ATG2B: variants seen among roughly 807,000 people sequenced by gnomAD.
ATG2B encodes autophagy related 2B.
Under a neutral mutation model 241.3 loss-of-function variants are expected in ATG2B, and 121 were observed. That is an observed-to-expected ratio of 0.50 (90% CI 0.43 to 0.58). The LOEUF is 0.58. Among genes scored for constraint, ATG2B ranks in the 20% least tolerant of loss-of-function variants. The pLI, the probability that ATG2B is intolerant of heterozygous loss-of-function variation, is 0.00. For missense variants in ATG2B, 2,306 were observed against 2,491.6 expected (o/e 0.93, Z 1.59); for synonymous variants, 858 against 876.6 (o/e 0.98, Z 0.37).
intron 15 of ATG2B, among the ~76,000 whole-genome samples, chr14:96,324,624 C>T (rs988466391): frequency 2.0e-5 from 3 of 152,160 alleles, no homozygotes; most frequent in Non-Finnish European, 4.4e-5. Context: ...GATCATGCCA[C>T]TGCACTCCAG....
intron 1 of ATG2B, among the ~76,000 whole-genome samples, chr14:96,359,335 G>A (rs796676277): frequency 5.3e-5 from 8 of 151,566 alleles, no homozygotes; most frequent in African/African-American, 1.9e-4. Context: ...CCTAGATCAC[G>A]CCACTGCACT....
Position 96,290,043 on chromosome 14 carries a change from G to C in ATG2B, c.5857-238C>G. On this transcript the variant is annotated intron_variant, in intron 40 of 41. Coordinates refer to ENST00000359933, the MANE Select transcript of ATG2B (RefSeq NM_018036.7). The surrounding 1 kb of genome is among the most constrained non-coding windows in gnomAD (Gnocchi z 4.4). The stretch of plus-strand genomic sequence containing the variant: ...GAGCTAAATTTTTAGCCCCTCCTCT[G>C]TTCACTGAGAACACTCAACATTTCC... The C allele has an allele frequency of 9.3e-7, 1 of 1,071,808 alleles. No individual in the cohort carries two copies. Among genetic ancestry groups the C allele is most frequent in the Non-Finnish European group, 1.2e-6 (1 of 805,500 alleles). 66.4% of individuals were successfully genotyped at this position (1,071,808 alleles called of 1,614,324 possible). A position where few individuals can be genotyped will look rare whatever the true frequency, so the allele number is the denominator to read the frequency against.
chr14:96,301,665 C>A (rs1886794546), intron 34 of ATG2B, among the ~76,000 whole-genome samples: 1 of 152,188 alleles, frequency 6.6e-6, no homozygotes, highest in African/African-American at 2.4e-5. Flanking sequence ...GCAATGAAGA[C>A]AGAGCAGCAT....
rs367929887 is a variant in ATG2B at position 96,313,324 on chromosome 14, C to A, written c.3749+5G>T. Reference sequence around the variant, plus strand: ...AACTTTATTTTGTTCCATTTGTGAACTTACCTATAATCAAGTGCACAGCTC... The same window carrying A: ...AACTTTATTTTGTTCCATTTGTGAAATTACCTATAATCAAGTGCACAGCTC... On this transcript the variant is annotated splice_donor_5th_base_variant and intron_variant, in intron 24 of 41. Transcript: ENST00000359933. 5.7e-5 allele frequency: 89 copies of A among 1,560,088 alleles called. No individual in the cohort carries two copies. In the African/African-American group the frequency reaches 1.2e-3, roughly 21 times the overall value.
At chr14:96,343,068 AC>A (rs759784816) in intron 5 of ATG2B, 50 bp downstream of exon 5, 12 of 1,416,718 alleles carry the variant, frequency 8.5e-6, no homozygotes, top group Non-Finnish European at 1.1e-5. Flanking sequence ...CCCCATTTAA[AC>A]CTTTTAAAAA....
rs1887050252 is a variant in ATG2B at position 96,308,274 on chromosome 14, ATATATATATTTTT to A, written c.4303+1166_4303+1178del. On this transcript the variant is annotated intron_variant, in intron 29 of 41. Coordinates refer to ENST00000359933, the MANE Select transcript of ATG2B (RefSeq NM_018036.7). ...TATACACACATATATATATATATAT[ATATATATATTTTT>A]TTTTTTTTTTTTTTTGAGACAGAAT... 2.7e-4 allele frequency among the ~76,000 whole-genome samples: 7 copies of A among 25,872 alleles called. 1 individual carries two copies. The highest frequency in any genetic ancestry group is 2.0e-4 in the African/African-American group (1 of 5,084). 17.0% of individuals were successfully genotyped at this position (25,872 alleles called of 152,430 possible). A position where few individuals can be genotyped will look rare whatever the true frequency, so the allele number is the denominator to read the frequency against.
rs187797681 is a variant in ATG2B at position 96,348,120 on chromosome 14, T to C, written c.163-779A>G. ...AACAGATGAATGGATAAAGAAAATG[T>C]GGTACATATACACAATGGAGTACTA... On this transcript the variant is annotated intron_variant, in intron 1 of 41. Coordinates refer to ENST00000359933, the MANE Select transcript of ATG2B (RefSeq NM_018036.7). 7.4e-3 allele frequency among the ~76,000 whole-genome samples: 1,125 copies of C among 152,244 alleles called. 12 individuals are homozygous for C. The highest frequency in any genetic ancestry group is 8.0e-3 in the Non-Finnish European group (546 of 68,006).
chr14:96,306,694 T>C lies in ATG2B; in HGVS notation c.4506+20A>G, dbSNP rs1248492445. ...TTTGTAACACCATTCAAGGCTTCAA[T>C]AATGTTATTAATTTATTACCTGCAT... is the stretch of plus-strand genomic sequence containing the variant. On this transcript the variant is annotated intron_variant, in intron 30 of 41. Coordinates refer to ENST00000359933, the MANE Select transcript of ATG2B (RefSeq NM_018036.7). 1.9e-6 allele frequency: 3 copies of C among 1,603,616 alleles called. No individual in the cohort carries two copies. Among genetic ancestry groups the C allele is most frequent in the Admixed American group, 3.4e-5 (2 of 59,460 alleles).
intron 28 of ATG2B, 41 bp from the exon 29 acceptor site, chr14:96,309,635 C>A: frequency 1.3e-6 from 2 of 1,562,444 alleles, no homozygotes; most frequent in Non-Finnish European, 1.7e-6. Context: ...TGAAAATGCT[C>A]TTAAAAACCA....
Position 96,339,769 on chromosome 14 carries a change from G to A in ATG2B, c.924+1753C>T, listed in dbSNP as rs116850352. On this transcript the variant is annotated intron_variant, in intron 6 of 41. Coordinates refer to ENST00000359933, the MANE Select transcript of ATG2B (RefSeq NM_018036.7). ...TGAAGGATAAAAGACAACATACTGA[G>A]TATACCGTACACTGCTCAGGTGACA... Among the ~76,000 whole-genome samples, 613 of 151,860 alleles carry A rather than the reference G, an allele frequency of 4.0e-3. 22 individuals carry two copies. In the South Asian group the frequency reaches 0.059, roughly 15 times the overall value.
rs754571663 is a variant in ATG2B at position 96,345,223 on chromosome 14, A to T, written c.478+10T>A. 2 of 1,601,002 alleles carry T rather than the reference A, an allele frequency of 1.2e-6. No individual in the cohort carries two copies. Among genetic ancestry groups the T allele is most frequent in the Non-Finnish European group, 1.7e-6 (2 of 1,176,000 alleles). ...ATCTAAATTTTTGAAAATTCTCAGT[A>T]ACACCAAACCTGTTTCAATGGTTTC... On this transcript the variant is annotated intron_variant, in intron 3 of 41. Transcript: ENST00000359933.
chr14:96,343,081 T>G (rs1429218672), intron 5 of ATG2B, 38 bp downstream of exon 5: 5 of 1,455,996 alleles, frequency 3.4e-6, no homozygotes, highest in Non-Finnish European at 4.6e-6. Context: ...TTTTAAAAAA[T>G]CTATGATTAT....
Position 96,347,265 on chromosome 14 carries a change from G to A in ATG2B, c.239C>T (p.Ser80Leu). Residue 80 changes from serine (S) to leucine (L), a missense_variant, in exon 2 of 42, where the codon TCA becomes TTA. Physicochemically the swap from Ser to Leu is moderately radical, Grantham distance 145 (BLOSUM62 -2). This residue lies in a region of ATG2B where 1,927 missense variants were observed against 2,011.2 expected (regional missense o/e 0.96). Coordinates refer to ENST00000359933, the MANE Select transcript of ATG2B (RefSeq NM_018036.7). ...CTGCAGTAAAGAGCCCCATGGAACT[G>A]ACAGGGAAATTGACTGAATGAATCC... The part of the protein sequence containing the change: ...TEGFIQSISL[S>L]VPWGSLLQDN... The A allele has an allele frequency of 6.2e-7, 1 of 1,611,926 alleles. No homozygotes were observed. The highest frequency in any genetic ancestry group is 1.3e-5 in the African/African-American group (1 of 75,016).
At chr14:96,313,266 A>ACC in intron 24 of ATG2B, 63 bp downstream of exon 24, 1 of 1,407,380 alleles carries the variant, frequency 7.1e-7, no homozygotes, top group Admixed American at 2.1e-5. Flanking sequence ...TGAATTATGT[A>ACC]TTTTTTTCAA....
At position 96,341,582 on chromosome 14, in the gene ATG2B, T is replaced by G. The variant is rs537384313; in HGVS notation, c.864A>C (p.Leu288Phe). Residue 288 changes from leucine to phenylalanine, a missense_variant, in exon 6 of 42, where the codon TTA becomes TTC. Leu to Phe is a conservative substitution (Grantham distance 22). Around this residue, in one of 2 missense-constraint regions of ATG2B, gnomAD observed 1,927 missense variants for 2,011.2 expected, o/e 0.96. Coordinates refer to ENST00000359933, the MANE Select transcript of ATG2B (RefSeq NM_018036.7). Reference protein sequence around the residue: ...APSDPVQIGRLIGRLELSLTL... With the variant: ...APSDPVQIGRFIGRLELSLTL... The stretch of plus-strand genomic sequence containing the variant: ...TGAGACTCAACTCCAACCTACCAAT[T>G]AACCGTCCAATCTGCACTGGGTCAG... 1 of 1,604,504 alleles carries G rather than the reference T, an allele frequency of 6.2e-7. No individual in the cohort carries two copies. The highest frequency in any genetic ancestry group is 1.3e-5 in the African/African-American group (1 of 74,836).
chr14:96,289,134 A>G lies in ATG2B; in HGVS notation c.6006+522T>C, dbSNP rs1886414587. 6.6e-6 allele frequency among the ~76,000 whole-genome samples: 1 copy of G among 152,310 alleles called. No homozygotes were observed. Among genetic ancestry groups the G allele is most frequent in the East Asian group, 1.9e-4 (1 of 5,188 alleles). On this transcript the variant is annotated intron_variant, in intron 41 of 41. Coordinates refer to ENST00000359933, the MANE Select transcript of ATG2B (RefSeq NM_018036.7). This position sits in a 1 kb window ranked among gnomAD's most constrained non-coding sequence, Gnocchi z 4.3. ...TAAGTTGCAGAATGAGACACATAAC[A>G]CCATTTACGGAAACTTTTAAAACAT... is the stretch of plus-strand genomic sequence containing the variant.
intron 1 of ATG2B, among the ~76,000 whole-genome samples, chr14:96,352,381 T>TA (rs919800317): frequency 4.7e-4 from 68 of 145,966 alleles, no homozygotes; most frequent in South Asian, 1.1e-3. Context: ...ACTCCTACTT[T>TA]AAAAAAAAAA....
At chr14:96,354,877 G>C (rs752389696) in intron 1 of ATG2B, among the ~76,000 whole-genome samples, 1 of 152,122 alleles carries the variant, frequency 6.6e-6, no homozygotes, top group Non-Finnish European at 1.5e-5. Flanking sequence ...GTTTTGATTT[G>C]CATTTCTCTA....
intron 20 of ATG2B, among the ~76,000 whole-genome samples, chr14:96,316,901 G>C (rs1887328258): frequency 6.6e-6 from 1 of 152,150 alleles, no homozygotes; most frequent in African/African-American, 2.4e-5. Flanking sequence ...TCTGTACTTT[G>C]TTGTCACCCC....
Sources: allele counts gnomAD v4.1 joint callset (sites outside exome capture counted in the v4.1 genomes callset), GRCh38; gene constraint gnomAD v4.1.1; regional missense constraint gnomAD v4.1.1; non-coding constraint Gnocchi (gnomAD v3.1); transcripts MANE v1.5; gene names NCBI Gene and HGNC (gene_info 2026-07-23, HGNC 2026-07-21).